Variants in SPATA21 observed in about 807,000 individuals in gnomAD.
SPATA21 encodes the protein spermatogenesis associated 21.
In SPATA21, 47 loss-of-function variants were observed where a neutral mutation model predicts 54.8. The observed-to-expected ratio is 0.86, with a 90% CI of 0.68 to 1.09. SPATA21 has a LOEUF of 1.09. Ranked by LOEUF, SPATA21 falls within the 50% of genes least tolerant of loss-of-function variation. The pLI, the probability that SPATA21 is intolerant of heterozygous loss-of-function variation, is 0.00. For synonymous variants in SPATA21, 245 were observed against 235.3 expected (o/e 1.04, Z -0.38); for missense variants, 599 against 596.4 (o/e 1.00, Z -0.05).
chr1:16,404,845 A>T, intron 8 of SPATA21, 122 bp downstream of exon 8: 1 of 1,113,338 alleles, frequency 9.0e-7, no homozygotes. Context: ...CTAGACTGTG[A>T]CAGTAGAGCA....
At chr1:16,432,114 CTTT>C (rs35240103) in intron 2 of SPATA21, among the ~76,000 whole-genome samples, 213 of 133,098 alleles carry the variant, frequency 1.6e-3, no homozygotes, top group African/African-American at 5.7e-3. Flanking sequence ...TCTTCTTCTT[CTTT>C]TTTTTTTTTT....
intron 5 of SPATA21, among the ~76,000 whole-genome samples, chr1:16,411,965 G>T (rs1025674638): frequency 2.6e-5 from 4 of 151,866 alleles, no homozygotes; most frequent in Admixed American, 2.6e-4. Flanking sequence ...AGCTGCTCTC[G>T]CCATGCCACA....
chr1:16,407,522 C>T (rs1442132530), intron 7 of SPATA21, among the ~76,000 whole-genome samples: 4 of 147,832 alleles, frequency 2.7e-5, no homozygotes, highest in South Asian at 2.2e-4. Flanking sequence ...TGCAGTAGCG[C>T]GATCTTGGCT....
intron 2 of SPATA21, 59 bp from the exon 3 acceptor site, chr1:16,431,481 G>T: frequency 2.7e-6 from 4 of 1,506,410 alleles, no homozygotes; most frequent in Non-Finnish European, 3.6e-6. Flanking sequence ...GCTGCTTCAG[G>T]AGCCCACTTG....
At chr1:16,415,007 T>C (rs543361239) in intron 5 of SPATA21, among the ~76,000 whole-genome samples, 2 of 150,148 alleles carry the variant, frequency 1.3e-5, no homozygotes, top group East Asian at 4.1e-4. Flanking sequence ...GGGCAAATGC[T>C]CAATTTCTGT....
In SPATA21 at chr1:16,409,863, T is replaced by C; in HGVS notation, c.325A>G (p.Thr109Ala). 1.2e-6 allele frequency: 2 copies of C among 1,610,356 alleles called. No homozygotes were observed. The highest frequency in any genetic ancestry group is 1.7e-6 in the Non-Finnish European group (2 of 1,178,218). Reference protein sequence around the residue: ...HRRASKARSQTAQKSPRTLTP... With the variant: ...HRRASKARSQAAQKSPRTLTP... ...AGGGTCCTGGGCGACTTCTGGGCTG[T>C]CTGGGACCGGGCCTTCGAGGCTCTC... Residue 109 changes from threonine to alanine, a missense_variant, in exon 6 of 13, where the codon ACA (threonine) becomes GCA (alanine). Coordinates refer to ENST00000335496, the MANE Select transcript of SPATA21 (RefSeq NM_198546.1). The surrounding 1 kb of genome is among the most constrained non-coding windows in gnomAD (Gnocchi z 4.1).
chr1:16,406,443 A>G (rs75993363), intron 7 of SPATA21, among the ~76,000 whole-genome samples: 5,243 of 152,332 alleles, frequency 0.034, 120 homozygotes, highest in South Asian at 0.07. Flanking sequence ...TGGAGTCCTC[A>G]TACAAAAAGA....
In SPATA21 at chr1:16,421,786, G is replaced by C; in HGVS notation, c.95+125C>G. On this transcript the variant is annotated intron_variant, in intron 4 of 12. Transcript: ENST00000335496. This position sits in a 1 kb window ranked among gnomAD's most constrained non-coding sequence, Gnocchi z 5.2. ...CAGATGGGGAAATTGAGACCCAGCG[G>C]AGCATGACTTGCCCAAGGTCCTCTA... 7.0e-7 allele frequency: 1 copy of C among 1,431,354 alleles called. No individual in the cohort carries two copies. The highest frequency in any genetic ancestry group is 9.8e-7 in the Non-Finnish European group (1 of 1,024,832). 88.7% of individuals were successfully genotyped at this position (1,431,354 alleles called of 1,614,324 possible). A position where few individuals can be genotyped will look rare whatever the true frequency, so the allele number is the denominator to read the frequency against.
chr1:16,421,387 C>T lies in SPATA21; in HGVS notation c.144+122G>A, dbSNP rs2086166093. 2.0e-6 allele frequency: 2 copies of T among 977,310 alleles called. No individual in the cohort carries two copies. Among genetic ancestry groups the T allele is most frequent in the Non-Finnish European group, 3.0e-6 (2 of 659,858 alleles). 60.5% of individuals were successfully genotyped at this position (977,310 alleles called of 1,614,324 possible). ...TTAACACACAGCCACACACACCTTC[C>T]TTGGTTTGACTCCAAATAGGGGTTT... is the stretch of plus-strand genomic sequence containing the variant. On this transcript the variant is annotated intron_variant, in intron 5 of 12. Transcript: ENST00000335496. The surrounding 1 kb of genome is among the most constrained non-coding windows in gnomAD (Gnocchi z 5.2).
At position 16,409,816 on chromosome 1, in the gene SPATA21, A is replaced by G; in HGVS notation, c.372T>C (p.Ala124=). The change falls in exon 6 of 13, where the codon GCT becomes GCC. Residue 124 remains alanine (A), a synonymous_variant. Transcript: ENST00000335496. The surrounding 1 kb of genome is among the most constrained non-coding windows in gnomAD (Gnocchi z 4.1). Reference sequence around the variant, plus strand: ...AGGCAGGGGTCTGAGGCAGGCTTGGAGCTGAGGTGGGCACCGGGGTCAGGG... The same window carrying G: ...AGGCAGGGGTCTGAGGCAGGCTTGGGGCTGAGGTGGGCACCGGGGTCAGGG... ...PRTLTPVPTS[A]PSLPQTPASV... is the part of the protein sequence containing the mutation. 1 of 1,598,324 alleles carries G rather than the reference A, an allele frequency of 6.3e-7. No individual in the cohort carries two copies. The highest frequency in any genetic ancestry group is 1.3e-5 in the African/African-American group (1 of 74,474).
In SPATA21 at chr1:16,428,971, G is replaced by A. The variant is rs1557672636; in HGVS notation, c.34+2367C>T. Among the ~76,000 whole-genome samples, 1 of 152,116 alleles carries A rather than the reference G, an allele frequency of 6.6e-6. No homozygotes were observed. Among genetic ancestry groups the A allele is most frequent in the Non-Finnish European group, 1.5e-5 (1 of 68,016 alleles). ...CACAGCTGGGTAAGTGGTGGGACTGGGACCCCATGACGGTGCTTGTTGAAA... is the reference window on the plus strand; with the variant it reads ...CACAGCTGGGTAAGTGGTGGGACTGAGACCCCATGACGGTGCTTGTTGAAA... On this transcript the variant is annotated intron_variant, in intron 3 of 12. Coordinates refer to ENST00000335496, the MANE Select transcript of SPATA21 (RefSeq NM_198546.1). The surrounding 1 kb of genome is among the most constrained non-coding windows in gnomAD (Gnocchi z 4.3).
intron 3 of SPATA21, chr1:16,425,718 A>G: frequency 4.5e-6 from 7 of 1,549,036 alleles, no homozygotes; most frequent in Non-Finnish European, 6.1e-6. Context: ...GGGACCCAAG[A>G]GGGCTGTTTC....
At chr1:16,423,665 T>G (rs2086237553) in intron 3 of SPATA21, among the ~76,000 whole-genome samples, 1 of 146,156 alleles carries the variant, frequency 6.8e-6, no homozygotes, top group Admixed American at 7.0e-5. Context: ...TGCCTCAGCC[T>G]CCCGAGTAGC....
At chr1:16,437,842 G>A (rs116574603), upstream of SPATA21, among the ~76,000 whole-genome samples, 3,789 of 152,112 alleles carry the variant, frequency 0.025, 153 homozygotes, top group African/African-American at 0.087. Flanking sequence ...ACTTGAGGTC[G>A]AGTTATAGAC....
chr1:16,397,265 G>C (rs1268806975), downstream of SPATA21: 1 of 152,248 alleles, frequency 6.6e-6, no homozygotes, highest in African/African-American at 2.4e-5. The surrounding 1 kb of genome is among the most constrained non-coding windows in gnomAD (Gnocchi z 5.4). Context: ...GGCTTTGCCC[G>C]CTGTGTGCCT....
intron 12 of SPATA21, 145 bp downstream of exon 12, chr1:16,399,199 C>T (rs1033489474): frequency 2.5e-5 from 24 of 949,704 alleles, no homozygotes; most frequent in East Asian, 1.1e-4. Context: ...TTGTCTTCTT[C>T]GCCTTTTACC....
intron 5 of SPATA21, among the ~76,000 whole-genome samples, chr1:16,410,345 G>A (rs1216246059): frequency 4.0e-5 from 6 of 151,434 alleles, no homozygotes; most frequent in South Asian, 2.1e-4. Context: ...TTCCAGGCTC[G>A]AGTGATCCTC....
chr1:16,424,249 C>A (rs1306859095), intron 3 of SPATA21, among the ~76,000 whole-genome samples: 5 of 118,860 alleles, frequency 4.2e-5, no homozygotes, highest in East Asian at 2.4e-4. Flanking sequence ...GGAGGCAGAG[C>A]TTGCAGTGAG....
chr1:16,426,579 A>ATATATATATATATATAT (rs1401259793), intron 3 of SPATA21, among the ~76,000 whole-genome samples: 6 of 107,158 alleles, frequency 5.6e-5, no homozygotes, highest in African/African-American at 7.6e-5. Context: ...ATATATATAT[A>ATATATATATATATATAT]TTTTTTTTTT....
Sources: gnomAD v4.1 joint callset for allele counts (sites outside exome capture counted in the v4.1 genomes callset) on GRCh38, gnomAD v4.1.1 for gene constraint, Gnocchi (gnomAD v3.1) non-coding constraint, MANE v1.5 for transcripts, NCBI Gene and HGNC (gene_info 2026-07-23, HGNC 2026-07-21) for gene names.